The following FAM184A variants were observed in gnomAD, a reference collection of about 807,000 sequenced individuals.
FAM184A encodes protein FAM184A.
FAM184A carries 99 observed loss-of-function variants against 143.8 expected under a neutral mutation model. The ratio of observed to expected loss-of-function variants is 0.69; its 90% CI spans 0.58 to 0.81. The LOEUF (loss-of-function observed/expected upper bound fraction) is 0.81, where lower values mean the gene tolerates loss of function less well. Ranked by LOEUF, FAM184A falls within the 40% of genes least tolerant of loss-of-function variation. The pLI, the probability that FAM184A is intolerant of heterozygous loss-of-function variation, is 0.00. For synonymous variants in FAM184A, 427 were observed against 446.4 expected, an observed-to-expected ratio of 0.96 and a Z score of 0.55; for missense variants, 1,217 against 1,310.5, an observed-to-expected ratio of 0.93 and a Z score of 1.10.
intron 1 of FAM184A, among the ~76,000 whole-genome samples, chr6:119,112,625 G>A (rs1205714041): frequency 2.0e-5 from 3 of 151,552 alleles, no homozygotes; most frequent in Non-Finnish European, 2.9e-5. Flanking sequence ...AATTCAGATC[G>A]TCAGTGGCTA....
chr6:118,962,792 C>G (rs1783376679), intron 16 of FAM184A: 1 of 151,990 alleles, frequency 6.6e-6, no homozygotes, highest in Admixed American at 6.6e-5. Context: ...TTATTCACAT[C>G]TCTAGAATCA....
intron 1 of FAM184A, among the ~76,000 whole-genome samples, chr6:119,068,317 G>A (rs1221462067): frequency 6.6e-6 from 1 of 152,010 alleles, no homozygotes; most frequent in Non-Finnish European, 1.5e-5. Flanking sequence ...CCAAAGTGCT[G>A]GGATTACAGG....
intron 17 of FAM184A, 51 bp downstream of exon 17, chr6:118,961,710 T>C: frequency 6.9e-7 from 1 of 1,454,390 alleles, no homozygotes; most frequent in Non-Finnish European, 9.6e-7. Flanking sequence ...AGAAGGTAAA[T>C]TTCTCAAGTT....
At position 118,959,919 on chromosome 6, in the gene FAM184A, T is replaced by C. The variant is rs545423627; in HGVS notation, c.*184A>G. ...AAAATAACAGTTATAATTACACACA[T>C]AATATAGTACCTTATAGAATGATTC... is the stretch of plus-strand genomic sequence containing the variant. On this transcript the variant is annotated 3_prime_UTR_variant, in exon 18 of 18. Transcript: ENST00000338891. 3 of 406,832 alleles carry C rather than the reference T, an allele frequency of 7.4e-6. No individual in the cohort carries two copies. Among genetic ancestry groups the C allele is most frequent in the South Asian group, 8.3e-5 (1 of 11,978 alleles). 25.2% of individuals were successfully genotyped at this position (406,832 alleles called of 1,614,324 possible).
At chr6:119,056,393 A>G (rs940058861) in intron 1 of FAM184A, among the ~76,000 whole-genome samples, 2 of 152,202 alleles carry the variant, frequency 1.3e-5, no homozygotes, top group East Asian at 3.8e-4. Context: ...TAGAGATGAC[A>G]GTCATAAAAG....
At chr6:119,040,753 G>A (rs1338292172) in intron 1 of FAM184A, among the ~76,000 whole-genome samples, 1 of 152,098 alleles carries the variant, frequency 6.6e-6, no homozygotes, top group Admixed American at 6.6e-5. Flanking sequence ...TTTTCTAATG[G>A]CTCTTAAAAG....
At chr6:119,011,159 T>C (rs1346819570) in intron 6 of FAM184A, 150 bp downstream of exon 6, 9 of 608,292 alleles carry the variant, frequency 1.5e-5, no homozygotes, top group Non-Finnish European at 2.4e-5. Flanking sequence ...CAGAGTGTCA[T>C]GAAAAATTCA....
intron 1 of FAM184A, among the ~76,000 whole-genome samples, chr6:119,111,778 C>T (rs1325062230): frequency 6.6e-6 from 1 of 152,108 alleles, no homozygotes; most frequent in East Asian, 1.9e-4. Context: ...GATTCAGCTG[C>T]AGGGAAGGAG....
chr6:119,050,759 T>C (rs1292248691), intron 1 of FAM184A, among the ~76,000 whole-genome samples: 1 of 150,416 alleles, frequency 6.6e-6, no homozygotes, highest in Non-Finnish European at 1.5e-5. Flanking sequence ...GAGCCGAGAT[T>C]GCGCCACTGC....
rs1490169652 is a variant in FAM184A, at chr6:119,078,352, C to A, written c.-53G>T. The A allele has an allele frequency of 7.3e-7, 1 of 1,374,438 alleles. No homozygotes were observed. The highest frequency in any genetic ancestry group is 1.5e-5 in the African/African-American group (1 of 65,134). The allele number at this position is 1,374,438 out of a possible 1,614,324, so 85.1% of individuals were successfully genotyped here. ...CTGTCCCCGCGGGTGGAGGCAGGCC[C>A]GTGGAGCAACGACGCCCGGGAGGCA... On this transcript the variant is annotated 5_prime_UTR_variant, in exon 1 of 18. Coordinates refer to ENST00000338891, the MANE Select transcript of FAM184A (RefSeq NM_024581.6). The surrounding 1 kb of genome is among the most constrained non-coding windows in gnomAD (Gnocchi z 5.5).
chr6:119,140,250 G>A (rs111488025), intron 1 of FAM184A, among the ~76,000 whole-genome samples: 4 of 152,310 alleles, frequency 2.6e-5, no homozygotes, highest in African/African-American at 9.6e-5. Flanking sequence ...GAGGATGTAA[G>A]GGAGTACCAA....
chr6:118,986,293 C>T lies in FAM184A; in HGVS notation c.2089-5943G>A, dbSNP rs1030272315. 4.7e-5 allele frequency among the ~76,000 whole-genome samples: 7 copies of T among 148,822 alleles called. No homozygotes were observed. In the East Asian group the frequency reaches 9.8e-4, roughly 21 times the overall value. ...GGGCGACAGAGCGAGACTCCGTCTC[C>T]GAAAAAAAAAAAAATTTGTGGAATA... On this transcript the variant is annotated intron_variant, in intron 9 of 17. Transcript: ENST00000338891.
At chr6:118,969,164 T>G (rs996022010) in intron 14 of FAM184A, among the ~76,000 whole-genome samples, 1 of 152,170 alleles carries the variant, frequency 6.6e-6, no homozygotes, top group African/African-American at 2.4e-5. Context: ...TGAATAAGGA[T>G]GTGTTTACTT....
At chr6:119,011,093 C>T (rs1785074255) in intron 6 of FAM184A, 1 of 432,698 alleles carries the variant, frequency 2.3e-6, no homozygotes, top group Admixed American at 4.2e-5. Flanking sequence ...CTTCTCCCCA[C>T]AACAGCACCT....
At chr6:119,025,949 G>A (rs1785619816) in intron 1 of FAM184A, among the ~76,000 whole-genome samples, 1 of 152,196 alleles carries the variant, frequency 6.6e-6, no homozygotes, top group African/African-American at 2.4e-5. Flanking sequence ...GTGGCAGACT[G>A]GCTGGCTCTC....
chr6:119,139,048 C>G lies in FAM184A; in HGVS notation c.-202+10030G>C, dbSNP rs1030513953. 6.6e-5 allele frequency among the ~76,000 whole-genome samples: 10 copies of G among 152,196 alleles called. No homozygotes were observed. The East Asian group carries it at 1.9e-3, about 29-fold the overall frequency. ...GAGGCCCCTTTGTCATGCACGGTAGCAGATTTCACAGGTTCTGGGGGCCAG... is the reference window on the plus strand; with the variant it reads ...GAGGCCCCTTTGTCATGCACGGTAGGAGATTTCACAGGTTCTGGGGGCCAG... On this transcript the variant is annotated intron_variant, in intron 1 of 16. Coordinates refer to the FAM184A transcript ENST00000352896.
At chr6:119,144,524 G>T (rs1772358993) in intron 1 of FAM184A, among the ~76,000 whole-genome samples, 1 of 152,210 alleles carries the variant, frequency 6.6e-6, no homozygotes, top group African/African-American at 2.4e-5. Context: ...TGCTGTTAGA[G>T]TCAGCGTGGC....
At chr6:119,082,519 T>C (rs974583707), upstream of FAM184A, among the ~76,000 whole-genome samples, 2 of 152,272 alleles carry the variant, frequency 1.3e-5, no homozygotes, top group Non-Finnish European at 2.9e-5. Flanking sequence ...GGTTCAGGCA[T>C]TGGGTAAATG....
chr6:119,053,020 A>T (rs1275871864), intron 1 of FAM184A, among the ~76,000 whole-genome samples: 2 of 152,168 alleles, frequency 1.3e-5, no homozygotes, highest in African/African-American at 2.4e-5. Flanking sequence ...ACTGTGGAGG[A>T]TGTATTAGAT....
Sources: allele counts gnomAD v4.1 joint callset (sites outside exome capture counted in the v4.1 genomes callset), GRCh38; gene constraint gnomAD v4.1.1; non-coding constraint Gnocchi (gnomAD v3.1); transcripts MANE v1.5; gene names NCBI Gene and HGNC (gene_info 2026-07-23, HGNC 2026-07-21).